PLCB1: variants seen among roughly 807,000 people sequenced by gnomAD.
PLCB1 encodes the protein 1-phosphatidylinositol 4,5-bisphosphate phosphodiesterase beta-1.
A neutral mutation model predicts 161.8 loss-of-function variants in PLCB1; 46 were observed. The ratio of observed to expected loss-of-function variants is 0.28; its 90% CI spans 0.22 to 0.36. The LOEUF (loss-of-function observed/expected upper bound fraction) is 0.36, where lower values mean the gene tolerates loss of function less well. PLCB1 is among the 10% of genes least tolerant of loss of function. PLCB1 has a pLI of 1.00. For missense variants in PLCB1, 1,016 were observed against 1,472.5 expected (o/e 0.69, Z 5.07); for synonymous variants, 517 against 503.7 (o/e 1.03, Z -0.35).
intron 10 of PLCB1, among the ~76,000 whole-genome samples, chr20:8,694,085 G>A (rs1405023829): frequency 6.6e-6 from 1 of 152,158 alleles, no homozygotes; most frequent in Admixed American, 6.5e-5. Context: ...ATATTCAAAT[G>A]GAAATATAAT....
intron 2 of PLCB1, among the ~76,000 whole-genome samples, chr20:8,263,157 A>G (rs977989834): frequency 3.3e-5 from 5 of 151,188 alleles, no homozygotes; most frequent in African/African-American, 7.4e-5. Context: ...ATGGGAATGA[A>G]TGAGTTAATA....
Position 8,656,889 on chromosome 20 carries a change from C to T in PLCB1, c.595-295C>T, listed in dbSNP as rs1989475061. 2.0e-5 allele frequency among the ~76,000 whole-genome samples: 3 copies of T among 151,522 alleles called. No homozygotes were observed. In the South Asian group the frequency reaches 6.3e-4, roughly 32 times the overall value. ...TATATAGGAAATTGCATTAACATCC[C>T]TTTAGCAGGAGACAATTCTTAAACT... On this transcript the variant is annotated intron_variant, in intron 7 of 31. Coordinates refer to ENST00000338037, the MANE Select transcript of PLCB1 (RefSeq NM_015192.4).
At chr20:8,722,270 A>C (rs529735091) in intron 14 of PLCB1, 84 bp from the exon 15 acceptor site, 1 of 1,016,620 alleles carries the variant, frequency 9.8e-7, no homozygotes, top group Admixed American at 2.5e-5. Context: ...TCTGTAATTG[A>C]TTTTAGGTAA....
At chr20:8,713,171 A>G (rs1178147594) in intron 12 of PLCB1, among the ~76,000 whole-genome samples, 4 of 151,976 alleles carry the variant, frequency 2.6e-5, no homozygotes, top group African/African-American at 7.3e-5. Context: ...GTTGATTCTG[A>G]GGCAGGTTTT....
Position 8,716,291 on chromosome 20 carries a change from G to A in PLCB1, c.1278G>A (p.Glu426=). The change falls in exon 13 of 32, where the codon GAG becomes GAA. Residue 426 remains glutamate, a synonymous_variant. Coordinates refer to ENST00000338037, the MANE Select transcript of PLCB1 (RefSeq NM_015192.4). Reference sequence around the variant, plus strand: ...CAAAGCAGCAAGCCAAGATGGCGGAGTACTGCCGACTGATCTTTGGGGATG... The same window carrying A: ...CAAAGCAGCAAGCCAAGATGGCGGAATACTGCCGACTGATCTTTGGGGATG... ...DSPKQQAKMA[E]YCRLIFGDAL... is the part of the protein sequence containing the mutation. 2 of 1,614,094 alleles carry A rather than the reference G, an allele frequency of 1.2e-6. No individual in the cohort carries two copies. Among genetic ancestry groups the A allele is most frequent in the Non-Finnish European group, 1.7e-6 (2 of 1,179,948 alleles).
chr20:8,772,708 G>A (rs565530247), intron 26 of PLCB1, among the ~76,000 whole-genome samples: 16 of 152,098 alleles, frequency 1.1e-4, no homozygotes, highest in East Asian at 9.7e-4. Flanking sequence ...CGAGGTGGGC[G>A]GATCACCTGA....
At chr20:8,260,609 A>G (rs573475126) in intron 2 of PLCB1, among the ~76,000 whole-genome samples, 123 of 152,152 alleles carry the variant, frequency 8.1e-4, no homozygotes, top group Non-Finnish European at 1.5e-3. Flanking sequence ...AGGTGCTGTT[A>G]TAAGAGGGAC....
At chr20:8,855,329 C>T (rs1026715310) in intron 31 of PLCB1, among the ~76,000 whole-genome samples, 2 of 151,974 alleles carry the variant, frequency 1.3e-5, no homozygotes, top group South Asian at 2.1e-4. Flanking sequence ...GAGAAGAATG[C>T]CATTATTTCC....
intron 2 of PLCB1, among the ~76,000 whole-genome samples, chr20:8,234,382 T>G (rs1980219039): frequency 6.6e-6 from 1 of 152,110 alleles, no homozygotes; most frequent in Non-Finnish European, 1.5e-5. Flanking sequence ...AGTGTATGAT[T>G]GTCAAATTTG....
intron 2 of PLCB1, among the ~76,000 whole-genome samples, chr20:8,364,670 T>C (rs1986653295): frequency 6.6e-6 from 1 of 152,232 alleles, no homozygotes; most frequent in Admixed American, 6.5e-5. Context: ...CTGAACTTTA[T>C]GTCAAACACT....
chr20:8,562,899 T>G lies in PLCB1; in HGVS notation c.247-65395T>G, dbSNP rs113870186. Among the ~76,000 whole-genome samples, 602 of 152,166 alleles carry G rather than the reference T, an allele frequency of 4.0e-3. 3 individuals are homozygous for G. The highest frequency in any genetic ancestry group is 0.013 in the African/African-American group (557 of 41,562). ...TTCTAAATCAGGAAAAGTACATAAC[T>G]GAGGTCTGGCTTTTTGAAGCACACA... On this transcript the variant is annotated intron_variant, in intron 3 of 31. Coordinates refer to ENST00000338037, the MANE Select transcript of PLCB1 (RefSeq NM_015192.4).
At chr20:8,783,801 A>G (rs563181361) in intron 27 of PLCB1, among the ~76,000 whole-genome samples, 1 of 152,312 alleles carries the variant, frequency 6.6e-6, no homozygotes, top group Non-Finnish European at 1.5e-5. Flanking sequence ...ATTGACATGT[A>G]GGAAAAATCT....
chr20:8,660,960 T>C (rs1464755295), intron 9 of PLCB1, among the ~76,000 whole-genome samples: 2 of 152,172 alleles, frequency 1.3e-5, no homozygotes, highest in Non-Finnish European at 2.9e-5. Context: ...AATTATTTCA[T>C]CTTCAAAATT....
At chr20:8,249,009 G>A (rs1453992240) in intron 2 of PLCB1, among the ~76,000 whole-genome samples, 2 of 151,902 alleles carry the variant, frequency 1.3e-5, no homozygotes, top group African/African-American at 4.8e-5. Context: ...TAAAAAGAAA[G>A]CAAAGGAAGT....
At chr20:8,388,751 C>CTGTG (rs1001257119) in intron 3 of PLCB1, among the ~76,000 whole-genome samples, 1 of 151,994 alleles carries the variant, frequency 6.6e-6, no homozygotes, top group African/African-American at 2.4e-5. Context: ...ATTGAATGAT[C>CTGTG]TGTGTGTGTG....
intron 3 of PLCB1, among the ~76,000 whole-genome samples, chr20:8,507,762 A>G (rs1160570431): frequency 1.3e-5 from 2 of 152,148 alleles, no homozygotes; most frequent in South Asian, 2.1e-4. Context: ...TAATGCAACA[A>G]TTATAAAGAA....
intron 3 of PLCB1, among the ~76,000 whole-genome samples, chr20:8,403,219 C>T (rs563780176): frequency 6.6e-6 from 1 of 152,236 alleles, no homozygotes; most frequent in South Asian, 2.1e-4. Context: ...AACCCTCCCT[C>T]CTCAGCCCCA....
At chr20:8,295,417 T>G (rs1406494430) in intron 2 of PLCB1, among the ~76,000 whole-genome samples, 3 of 152,194 alleles carry the variant, frequency 2.0e-5, no homozygotes, top group African/African-American at 7.2e-5. Context: ...ACACATGTAT[T>G]GTAAATATGA....
chr20:8,716,207 T>C (rs1006589387), intron 12 of PLCB1, 57 bp from the exon 13 acceptor site: 8 of 1,260,446 alleles, frequency 6.3e-6, no homozygotes, highest in Non-Finnish European at 9.3e-6. Context: ...GCAATCCTGT[T>C]CAGGTTCTTT....
Sources: gnomAD v4.1 joint callset for allele counts (sites outside exome capture counted in the v4.1 genomes callset) on GRCh38, gnomAD v4.1.1 for gene constraint, MANE v1.5 for transcripts, NCBI Gene and HGNC (gene_info 2026-07-23, HGNC 2026-07-21) for gene names.